ARHGAP24: variants seen among roughly 807,000 people sequenced by gnomAD.
ARHGAP24 encodes the protein rho GTPase-activating protein 24.
In ARHGAP24, 50 loss-of-function variants were observed where a neutral mutation model predicts 76.4. That is an observed-to-expected ratio of 0.65 (90% CI 0.52 to 0.83). The LOEUF is 0.83. ARHGAP24 is among the 40% of genes least tolerant of loss of function. The pLI is 0.00. For synonymous variants in ARHGAP24, 345 were observed against 323.3 expected (o/e 1.07, Z -0.72); for missense variants, 930 against 914.2 (o/e 1.02, Z -0.22).
At chr4:85,494,293 A>T (rs1334437598) in intron 1 of ARHGAP24, among the ~76,000 whole-genome samples, 1 of 151,986 alleles carries the variant, frequency 6.6e-6, no homozygotes, top group South Asian at 2.1e-4. Context: ...CCATCCCCCA[A>T]CATCGTGTGT....
intron 3 of ARHGAP24, among the ~76,000 whole-genome samples, chr4:85,733,060 C>CTTTTTTTTTTTTTT (rs1210109366): frequency 0.011 from 618 of 55,208 alleles, 167 homozygotes; most frequent in African/African-American, 0.022. Context: ...GCCTCACCAA[C>CTTTTTTTTTTTTTT]TTTTTTTTTT....
In ARHGAP24 at chr4:85,876,522, ACTC is replaced by A. The variant is rs570323666; in HGVS notation, c.269-47119_269-47117del. On this transcript the variant is annotated intron_variant, in intron 3 of 9. Coordinates refer to ENST00000395184, the MANE Select transcript of ARHGAP24 (RefSeq NM_001025616.3). Reference sequence around the variant, plus strand: ...GCTCTCAATCCCTTTACCTTATGAAACTCCTCCTCTTCCCTCAAGGGTCTCTGT... The same window carrying A: ...GCTCTCAATCCCTTTACCTTATGAAACTCCTCTTCCCTCAAGGGTCTCTGT... Among the ~76,000 whole-genome samples the A allele has an allele frequency of 4.4e-4, 67 of 151,716 alleles. 1 individual carries two copies. In the South Asian group the frequency reaches 8.9e-3, roughly 20 times the overall value.
intron 1 of ARHGAP24, among the ~76,000 whole-genome samples, chr4:85,490,872 A>C (rs1723326637): frequency 6.6e-6 from 1 of 152,166 alleles, no homozygotes; most frequent in African/African-American, 2.4e-5. Flanking sequence ...ATTAATAAAA[A>C]TTTTCCCCAC....
At chr4:85,934,871 C>G (rs978987855) in intron 4 of ARHGAP24, among the ~76,000 whole-genome samples, 1 of 152,188 alleles carries the variant, frequency 6.6e-6, no homozygotes, top group Non-Finnish European at 1.5e-5. Context: ...TAATAGCCAC[C>G]TTGAGGTGCT....
In ARHGAP24 at chr4:85,848,342, C is replaced by T. The variant is rs150783016; in HGVS notation, c.269-75306C>T. Among the ~76,000 whole-genome samples, 866 of 152,274 alleles carry T rather than the reference C, an allele frequency of 5.7e-3. 10 individuals are homozygous for T. Among genetic ancestry groups the T allele is most frequent in the African/African-American group, 0.02 (812 of 41,558 alleles). ...ATGCTATCCCTCTCCCATCCCCCTA[C>T]CCCATGACAGGCCCTGGTGTGTGAT... On this transcript the variant is annotated intron_variant, in intron 3 of 9. Coordinates refer to ENST00000395184, the MANE Select transcript of ARHGAP24 (RefSeq NM_001025616.3).
intron 8 of ARHGAP24, chr4:85,990,483 A>C (rs1163620261): frequency 6.6e-6 from 1 of 151,874 alleles, no homozygotes; most frequent in Non-Finnish European, 1.5e-5. Flanking sequence ...TAGCACAAAT[A>C]ATTTGAAAGG....
chr4:85,510,832 G>T (rs112358024), intron 1 of ARHGAP24, among the ~76,000 whole-genome samples: 2 of 144,640 alleles, frequency 1.4e-5, no homozygotes, highest in Non-Finnish European at 3.0e-5. Flanking sequence ...CTTCTCTCTC[G>T]CTCTCTCTCT....
intron 3 of ARHGAP24, among the ~76,000 whole-genome samples, chr4:85,843,814 A>G (rs1445154184): frequency 1.3e-5 from 2 of 152,156 alleles, no homozygotes; most frequent in Non-Finnish European, 2.9e-5. Flanking sequence ...ATTTAAAACC[A>G]TTGACTATGT....
intron 2 of ARHGAP24, among the ~76,000 whole-genome samples, chr4:85,577,590 A>G (rs1283103442): frequency 6.6e-6 from 1 of 152,174 alleles, no homozygotes; most frequent in African/African-American, 2.4e-5. Flanking sequence ...GAGAGTGAGA[A>G]CTGTCTGCTA....
intron 2 of ARHGAP24, among the ~76,000 whole-genome samples, chr4:85,676,836 G>A (rs965506832): frequency 1.3e-5 from 2 of 152,196 alleles, no homozygotes; most frequent in African/African-American, 4.8e-5. Context: ...AAAAGAAGTA[G>A]TTGTTTTGAA....
intron 3 of ARHGAP24, among the ~76,000 whole-genome samples, chr4:85,888,116 A>G (rs982827561): frequency 1.3e-5 from 2 of 152,104 alleles, no homozygotes; most frequent in Non-Finnish European, 2.9e-5. Context: ...AGAAAATTCT[A>G]TCTGTGCTGG....
At chr4:85,825,115 A>T (rs146458928) in intron 3 of ARHGAP24, among the ~76,000 whole-genome samples, 1 of 152,220 alleles carries the variant, frequency 6.6e-6, no homozygotes, top group African/African-American at 2.4e-5. Context: ...AACAAAACAA[A>T]AAAAAAGAAA....
At chr4:85,894,438 ACT>A (rs1195850183) in intron 3 of ARHGAP24, among the ~76,000 whole-genome samples, 6 of 151,832 alleles carry the variant, frequency 4.0e-5, no homozygotes, top group Non-Finnish European at 5.9e-5. Flanking sequence ...TGTATAGTCA[ACT>A]CTCTCTTCTC....
At chr4:85,528,561 C>CT (rs1725118410) in intron 1 of ARHGAP24, among the ~76,000 whole-genome samples, 1 of 151,988 alleles carries the variant, frequency 6.6e-6, no homozygotes, top group African/African-American at 2.4e-5. Context: ...ATTAACCTTT[C>CT]TGTATCTCAG....
chr4:85,517,649 C>T (rs1724562441), intron 1 of ARHGAP24, among the ~76,000 whole-genome samples: 2 of 151,952 alleles, frequency 1.3e-5, no homozygotes, highest in Non-Finnish European at 2.9e-5. Context: ...TTTATATGAA[C>T]ATGCGTATAA....
intron 2 of ARHGAP24, among the ~76,000 whole-genome samples, chr4:85,660,794 C>CAGAAAAAAAAA (rs1722350962): frequency 3.4e-5 from 2 of 59,438 alleles, no homozygotes; most frequent in Admixed American, 5.6e-4. Context: ...GACTCCGTCT[C>CAGAAAAAAAAA]AAAAAAAAAA....
chr4:85,897,239 C>G (rs1578360044), intron 3 of ARHGAP24, among the ~76,000 whole-genome samples: 1 of 152,078 alleles, frequency 6.6e-6, no homozygotes, highest in East Asian at 1.9e-4. Context: ...GATCTGTTGT[C>G]AAGCAGAAGC....
intron 4 of ARHGAP24, among the ~76,000 whole-genome samples, chr4:85,930,063 T>G (rs143669417): frequency 6.6e-5 from 10 of 152,320 alleles, no homozygotes; most frequent in East Asian, 5.8e-4. Flanking sequence ...ACCTGCTGAA[T>G]GTGACCGGCG....
intron 3 of ARHGAP24, among the ~76,000 whole-genome samples, chr4:85,741,714 T>C (rs1485563544): frequency 6.6e-6 from 1 of 152,190 alleles, no homozygotes; most frequent in Admixed American, 6.5e-5. Context: ...GAAACTGAAT[T>C]TGTTTCAGGG....
Sources: allele counts gnomAD v4.1 joint callset (sites outside exome capture counted in the v4.1 genomes callset), GRCh38; gene constraint gnomAD v4.1.1; transcripts MANE v1.5; gene names NCBI Gene and HGNC (gene_info 2026-07-23, HGNC 2026-07-21).